The following ADGRB3 variants were observed in gnomAD, a reference collection of about 807,000 sequenced individuals.
The protein encoded by ADGRB3 is brain-specific angiogenesis inhibitor 3.
A neutral mutation model predicts 193.4 loss-of-function variants in ADGRB3; 37 were observed. That is an observed-to-expected ratio of 0.19 (90% CI 0.15 to 0.25). ADGRB3 has a LOEUF of 0.25. Among genes scored for constraint, ADGRB3 ranks in the 10% least tolerant of loss-of-function variants. The probability of loss-of-function intolerance (pLI) is 1.00; values close to 1 mark genes in which losing one functional copy is unlikely to be tolerated. For missense variants in ADGRB3, 1,637 were observed against 1,852.9 expected (o/e 0.88, Z 2.14); for synonymous variants, 690 against 644.2 (o/e 1.07, Z -1.08).
chr6:68,818,450 TATA>T (rs1488656946), intron 3 of ADGRB3, among the ~76,000 whole-genome samples: 1 of 151,984 alleles, frequency 6.6e-6, no homozygotes, highest in Admixed American at 6.6e-5. Flanking sequence ...TCTGGTGTGA[TATA>T]TGAAAGCAAT....
At chr6:69,084,098 A>G (rs143733013) in intron 17 of ADGRB3, among the ~76,000 whole-genome samples, 155 of 152,150 alleles carry the variant, frequency 1.0e-3, no homozygotes, top group African/African-American at 3.6e-3. Flanking sequence ...ACTTTTGGTC[A>G]TTGAGTTCTC....
At chr6:69,281,293 G>T (rs1422339306) in intron 20 of ADGRB3, among the ~76,000 whole-genome samples, 2 of 152,120 alleles carry the variant, frequency 1.3e-5, no homozygotes, top group African/African-American at 4.8e-5. Context: ...ACATTTATTA[G>T]AAAATTTGAG....
chr6:69,082,755 G>A (rs549839263), intron 17 of ADGRB3, among the ~76,000 whole-genome samples: 1 of 151,820 alleles, frequency 6.6e-6, no homozygotes, highest in South Asian at 2.1e-4. Context: ...GAAACTTTTG[G>A]GGTTTGTTTC....
intron 23 of ADGRB3, among the ~76,000 whole-genome samples, chr6:69,331,237 A>T (rs1378312485): frequency 6.6e-6 from 1 of 152,174 alleles, no homozygotes. Context: ...TCTCTTTTGA[A>T]ACCACAAAAT....
chr6:69,178,093 G>T (rs1387327362), intron 17 of ADGRB3, among the ~76,000 whole-genome samples: 1 of 152,126 alleles, frequency 6.6e-6, no homozygotes, highest in African/African-American at 2.4e-5. Context: ...AGAAGTACTT[G>T]TTTTATGAAT....
At chr6:68,937,447 G>A (rs767028724) in intron 5 of ADGRB3, among the ~76,000 whole-genome samples, 21 of 152,196 alleles carry the variant, frequency 1.4e-4, no homozygotes, top group Admixed American at 2.0e-4. Flanking sequence ...AGCACATGAT[G>A]TTGTGAATCT....
chr6:68,781,956 G>C (rs1300852262), intron 3 of ADGRB3, among the ~76,000 whole-genome samples: 3 of 151,862 alleles, frequency 2.0e-5, no homozygotes, highest in Non-Finnish European at 4.4e-5. Flanking sequence ...TGTTGTGCCA[G>C]GTATACTCTT....
chr6:68,709,810 C>A (rs1052070594), intron 3 of ADGRB3, among the ~76,000 whole-genome samples: 19 of 152,232 alleles, frequency 1.2e-4, no homozygotes, highest in African/African-American at 4.3e-4. Flanking sequence ...ACCTAAATAT[C>A]ATATTTCTCT....
chr6:69,048,017 T>TG (rs1483622900), intron 13 of ADGRB3, among the ~76,000 whole-genome samples, 168 bp from the exon 14 acceptor site: 1 of 152,202 alleles, frequency 6.6e-6, no homozygotes, highest in Non-Finnish European at 1.5e-5. Flanking sequence ...TCAGCAACTT[T>TG]AATGAGAAAT....
chr6:68,813,152 G>T (rs758552301), intron 3 of ADGRB3, among the ~76,000 whole-genome samples: 1 of 152,048 alleles, frequency 6.6e-6, no homozygotes, highest in Middle Eastern at 3.2e-3. Context: ...TAAGTCTCAC[G>T]AGATCTAATG....
chr6:68,767,790 C>A (rs1009402864), intron 3 of ADGRB3, among the ~76,000 whole-genome samples: 6 of 151,978 alleles, frequency 3.9e-5, no homozygotes, highest in Non-Finnish European at 8.8e-5. Context: ...TTTGTAAAAC[C>A]CCATCGTCTC....
chr6:69,072,678 A>T lies in ADGRB3; in HGVS notation c.2437-3317A>T, dbSNP rs1233126444. Reference sequence around the variant, plus strand: ...GCCAATTAGATTTAATGGATCTGTTATCTCAAGTTCCTCAGCTGCACTTGG... The same window carrying T: ...GCCAATTAGATTTAATGGATCTGTTTTCTCAAGTTCCTCAGCTGCACTTGG... On this transcript the variant is annotated intron_variant, in intron 16 of 31. Coordinates refer to ENST00000370598, the MANE Select transcript of ADGRB3 (RefSeq NM_001704.3). Among the ~76,000 whole-genome samples, 3 of 152,326 alleles carry T rather than the reference A, an allele frequency of 2.0e-5. No homozygotes were observed. The East Asian group carries it at 5.8e-4, about 29-fold the overall frequency.
At chr6:69,193,658 G>A (rs908395037) in intron 17 of ADGRB3, among the ~76,000 whole-genome samples, 3 of 151,950 alleles carry the variant, frequency 2.0e-5, no homozygotes, top group African/African-American at 7.2e-5. Context: ...TAGAACACCT[G>A]GGTTCTATCA....
In ADGRB3 at chr6:68,857,307, G is replaced by A. The variant is rs548793239; in HGVS notation, c.758-73252G>A. Among the ~76,000 whole-genome samples the A allele has an allele frequency of 1.3e-4, 20 of 152,284 alleles. No individual in the cohort carries two copies. The East Asian group carries it at 2.7e-3, about 21-fold the overall frequency. On this transcript the variant is annotated intron_variant, in intron 3 of 31. Transcript: ENST00000370598. ...GGTAGATCCACTGACAGCTTGCATTGTGCACCTGAAAAAGCTGCAGACACT... is the reference window on the plus strand; with the variant it reads ...GGTAGATCCACTGACAGCTTGCATTATGCACCTGAAAAAGCTGCAGACACT...
chr6:68,719,751 T>G (rs1001647259), intron 3 of ADGRB3, among the ~76,000 whole-genome samples: 3 of 151,708 alleles, frequency 2.0e-5, no homozygotes, highest in African/African-American at 7.2e-5. Flanking sequence ...TTAGTGGTCT[T>G]TCAACATTTC....
chr6:69,317,553 G>GTTA (rs1261361419), intron 20 of ADGRB3, among the ~76,000 whole-genome samples: 1 of 151,356 alleles, frequency 6.6e-6, no homozygotes, highest in African/African-American at 2.4e-5. Context: ...ATATAAAACT[G>GTTA]CGTAAGCCTT....
chr6:69,207,798 G>A lies in ADGRB3; in HGVS notation c.2481-25492G>A, dbSNP rs7758495. On this transcript the variant is annotated intron_variant, in intron 17 of 31. Coordinates refer to ENST00000370598, the MANE Select transcript of ADGRB3 (RefSeq NM_001704.3). ...GTTGCCTCACTTTTTTAGCCATGAA[G>A]TGAGTTCCTTGGTCAGAGGCAATGT... Among the ~76,000 whole-genome samples, 4 of 152,326 alleles carry A rather than the reference G, an allele frequency of 2.6e-5. No homozygotes were observed. The South Asian group carries it at 8.3e-4, about 32-fold the overall frequency.
At chr6:68,646,571 T>G (rs774143760) in intron 3 of ADGRB3, among the ~76,000 whole-genome samples, 1 of 152,174 alleles carries the variant, frequency 6.6e-6, no homozygotes, top group Non-Finnish European at 1.5e-5. Context: ...AACACTGAAT[T>G]TTCATACTAC....
At chr6:69,147,123 T>G (rs1185480426) in intron 17 of ADGRB3, among the ~76,000 whole-genome samples, 7 of 152,124 alleles carry the variant, frequency 4.6e-5, no homozygotes, top group Non-Finnish European at 8.8e-5. Flanking sequence ...TTGTGTTGTT[T>G]TCTTTCTACC....
Sources: gnomAD v4.1 joint callset for allele counts (sites outside exome capture counted in the v4.1 genomes callset) on GRCh38, gnomAD v4.1.1 for gene constraint, MANE v1.5 for transcripts, NCBI Gene and HGNC (gene_info 2026-07-23, HGNC 2026-07-21) for gene names.